Variants in DYDC2 observed in about 807,000 individuals in gnomAD.
DYDC2 encodes the protein DPY30 domain containing 2.
A neutral mutation model predicts 18.7 loss-of-function variants in DYDC2; 19 were observed. The ratio of observed to expected loss-of-function variants is 1.02; its 90% CI spans 0.71 to 1.49. DYDC2 has a LOEUF of 1.49. DYDC2 is among the 40% of genes most tolerant of loss of function. DYDC2 has a pLI of 0.00. For missense variants in DYDC2, 179 were observed against 205.1 expected, an observed-to-expected ratio of 0.87 and a Z score of 0.78; for synonymous variants, 63 against 67.6, an observed-to-expected ratio of 0.93 and a Z score of 0.34.
At chr10:80,351,815 G>C (rs1474138143), upstream of DYDC2, 8 of 1,173,828 alleles carry the variant, frequency 6.8e-6, no homozygotes, top group Admixed American at 4.3e-5. Context: ...AACTGGAGCT[G>C]GGAAGTTTAT....
Position 80,366,829 on chromosome 10 carries a change from C to T in DYDC2, c.412C>T (p.Pro138Ser), listed in dbSNP as rs1281417710. 2 of 1,614,092 alleles carry T rather than the reference C, an allele frequency of 1.2e-6. No homozygotes were observed. Among genetic ancestry groups the T allele is most frequent in the South Asian group, 1.1e-5 (1 of 91,094 alleles). ...TCCAGGAATGCCTCAACAGGTTCCTCCTTCAGAGTCTGCTGGCCAGATTGA... is the reference window on the plus strand; with the variant it reads ...TCCAGGAATGCCTCAACAGGTTCCTTCTTCAGAGTCTGCTGGCCAGATTGA... ...LIPGMPQQVPPSESAGQIDQN... is the reference protein window; with the variant it reads ...LIPGMPQQVPSSESAGQIDQN... The change falls in exon 5 of 5, where the codon CCT (proline) becomes TCT (serine). Residue 138 changes from proline to serine, a missense_variant. Pro to Ser is a moderately conservative substitution (Grantham distance 74). Transcript: ENST00000256039.
At chr10:80,348,898 CTT>C (rs546974679) in intron 1 of DYDC2, among the ~76,000 whole-genome samples, 1 of 148,678 alleles carries the variant, frequency 6.7e-6, no homozygotes, top group African/African-American at 2.5e-5. Context: ...AGCAGATAAA[CTT>C]TTTTTTTTTG....
upstream of DYDC2, chr10:80,352,609 T>G (rs754257507): frequency 1.9e-6 from 3 of 1,594,908 alleles, no homozygotes; most frequent in South Asian, 3.5e-5. Flanking sequence ...CATTTCTAAC[T>G]CCTAAAAAGT....
upstream of DYDC2, chr10:80,356,465 T>C: frequency 1.0e-6 from 1 of 985,142 alleles, no homozygotes. Context: ...TCAGTGTGGT[T>C]TTCCCACCCG....
chr10:80,365,577 T>C lies in DYDC2; in HGVS notation c.271-1111T>C, dbSNP rs78186253. ...ACAAGGATGAACTCCACGGGGCTCA[T>C]TGTAGAATGGACCTGTACAACTTCC... On this transcript the variant is annotated intron_variant, in intron 4 of 4. Transcript: ENST00000256039. 1.1e-3 allele frequency among the ~76,000 whole-genome samples: 162 copies of C among 152,348 alleles called. 3 individuals are homozygous for C. The East Asian group carries it at 0.026, about 24-fold the overall frequency.
upstream of DYDC2, among the ~76,000 whole-genome samples, chr10:80,353,549 C>A (rs1275077166): frequency 6.6e-6 from 1 of 151,598 alleles, no homozygotes; most frequent in Non-Finnish European, 1.5e-5. Context: ...CCTCAGATTA[C>A]CCTTAATATT....
upstream of DYDC2, chr10:80,356,122 T>C (rs958763575): frequency 1.9e-5 from 9 of 482,394 alleles, no homozygotes; most frequent in Non-Finnish European, 2.2e-5. Flanking sequence ...CAGGGGAGGC[T>C]CTGTCTCGGA....
intron 1 of DYDC2, among the ~76,000 whole-genome samples, chr10:80,357,118 C>A (rs1843430006): frequency 7.9e-6 from 1 of 126,860 alleles, no homozygotes; most frequent in Non-Finnish European, 1.6e-5. Flanking sequence ...GTCGGGCCTG[C>A]GGCAGAGATG....
In DYDC2 at chr10:80,366,794, C is replaced by T. The variant is rs983134954; in HGVS notation, c.377C>T (p.Ser126Phe). The change falls in exon 5 of 5, where the codon TCC becomes TTC. Residue 126 changes from serine to phenylalanine, a missense_variant. By Grantham distance (155) the Ser-to-Phe change is radical (BLOSUM62 -2). Transcript: ENST00000256039. Reference sequence around the variant, plus strand: ...AAGCAGGAATTCCTGCCAGGTACTTCCAGTCTGATTCCAGGAATGCCTCAA... The same window carrying T: ...AAGCAGGAATTCCTGCCAGGTACTTTCAGTCTGATTCCAGGAATGCCTCAA... Reference protein sequence around the residue: ...ALKQEFLPGTSSLIPGMPQQV... With the variant: ...ALKQEFLPGTFSLIPGMPQQV... 6.2e-6 allele frequency: 10 copies of T among 1,614,192 alleles called. No homozygotes were observed. The highest frequency in any genetic ancestry group is 7.6e-6 in the Non-Finnish European group (9 of 1,180,030).
chr10:80,362,653 A>G, intron 3 of DYDC2, 63 bp downstream of exon 3: 2 of 1,538,664 alleles, frequency 1.3e-6, no homozygotes, highest in Non-Finnish European at 1.8e-6. Flanking sequence ...GAAAGCCAAG[A>G]CACAAGGCAG....
At position 80,366,678 on chromosome 10, in the gene DYDC2, T is replaced by A. The variant is rs779556800; in HGVS notation, c.271-10T>A. On this transcript the variant is annotated splice_polypyrimidine_tract_variant and intron_variant, in intron 4 of 4. Coordinates refer to ENST00000256039, the MANE Select transcript of DYDC2 (RefSeq NM_032372.6). The stretch of plus-strand genomic sequence containing the variant: ...ATAATAAGTTTTCGGCTTTTTTGTT[T>A]TCTATTTAGGAACTGACTTCTGAAA... The A allele has an allele frequency of 1.3e-6, 2 of 1,579,810 alleles. No individual in the cohort carries two copies. Among genetic ancestry groups the A allele is most frequent in the Non-Finnish European group, 1.7e-6 (2 of 1,164,524 alleles).
upstream of DYDC2, chr10:80,352,859 A>G (rs1324857654): frequency 3.0e-6 from 1 of 335,762 alleles, no homozygotes; most frequent in Non-Finnish European, 5.2e-6. Flanking sequence ...GAGTCAGAAA[A>G]GAGATATTAT....
chr10:80,354,543 T>G (rs973686388), upstream of DYDC2: 2 of 151,444 alleles, frequency 1.3e-5, no homozygotes, highest in African/African-American at 4.9e-5. Context: ...TGATAGGTAC[T>G]GGGAATACAA....
Position 80,366,638 on chromosome 10 carries a change from G to A in DYDC2, c.271-50G>A, listed in dbSNP as rs771916488. On this transcript the variant is annotated intron_variant, in intron 4 of 4. Transcript: ENST00000256039. ...ACTGTGTTTTTGCCATACATCTTGT[G>A]TGCTTTAGTCTCTAATAATAAGTTT... 3.2e-6 allele frequency: 5 copies of A among 1,542,134 alleles called. No homozygotes were observed. In the South Asian group the frequency reaches 3.8e-5, roughly 12 times the overall value.
chr10:80,367,266 A>C lies in DYDC2; in HGVS notation c.*315A>C, dbSNP rs1007715530. On this transcript the variant is annotated 3_prime_UTR_variant, in exon 5 of 5. Transcript: ENST00000256039. Reference sequence around the variant, plus strand: ...CCCAACACCCGGCCATGGGGGCTACAAAGTCCAGCCGAGTCAAAGGAAAGA... The same window carrying C: ...CCCAACACCCGGCCATGGGGGCTACCAAGTCCAGCCGAGTCAAAGGAAAGA... 5.9e-5 allele frequency: 13 copies of C among 219,618 alleles called. No homozygotes were observed. The highest frequency in any genetic ancestry group is 2.8e-4 in the African/African-American group (12 of 43,538). 13.6% of individuals were successfully genotyped at this position (219,618 alleles called of 1,614,324 possible). A position where few individuals can be genotyped will look rare whatever the true frequency, so the allele number is the denominator to read the frequency against.
At chr10:80,359,478 A>G (rs1453876707) in intron 2 of DYDC2, among the ~76,000 whole-genome samples, 1 of 152,220 alleles carries the variant, frequency 6.6e-6, no homozygotes, top group Non-Finnish European at 1.5e-5. Flanking sequence ...GCTGCCTGCC[A>G]GTCCCACGTA....
chr10:80,352,313 C>T, upstream of DYDC2: 3 of 1,231,678 alleles, frequency 2.4e-6, no homozygotes, highest in South Asian at 2.1e-5. Flanking sequence ...TTTTCTCCTT[C>T]CTGCTTTTCA....
intron 1 of DYDC2, among the ~76,000 whole-genome samples, chr10:80,351,215 G>A (rs998814918): frequency 6.6e-6 from 1 of 152,042 alleles, no homozygotes; most frequent in Non-Finnish European, 1.5e-5. Flanking sequence ...TACGCAGAAG[G>A]TGCTTCCACC....
intron 4 of DYDC2, among the ~76,000 whole-genome samples, chr10:80,366,373 A>G (rs189852055): frequency 5.4e-4 from 82 of 152,160 alleles, no homozygotes; most frequent in African/African-American, 1.9e-3. Flanking sequence ...CCTCTAGATT[A>G]TGGTTCACAT....
Sources: allele counts gnomAD v4.1 joint callset (sites outside exome capture counted in the v4.1 genomes callset), GRCh38; gene constraint gnomAD v4.1.1; transcripts MANE v1.5; gene names NCBI Gene and HGNC (gene_info 2026-07-23, HGNC 2026-07-21).